ALK: variants seen among roughly 807,000 people sequenced by gnomAD.
ALK encodes the protein ALK receptor tyrosine kinase.
In ALK, 74 loss-of-function variants were observed where a neutral mutation model predicts 163.1. The ratio of observed to expected loss-of-function variants is 0.45; its 90% CI spans 0.38 to 0.55. ALK has a LOEUF of 0.55. ALK is among the 20% of genes least tolerant of loss of function. The probability of loss-of-function intolerance (pLI) is 0.00; values close to 1 mark genes in which losing one functional copy is unlikely to be tolerated. For synonymous variants in ALK, 960 were observed against 843.2 expected (o/e 1.14, Z -2.40); for missense variants, 2,063 against 2,105.3 (o/e 0.98, Z 0.39).
chr2:29,272,208 G>GAC (rs1240194838), intron 11 of ALK, among the ~76,000 whole-genome samples: 4 of 151,492 alleles, frequency 2.6e-5, no homozygotes, highest in Non-Finnish European at 5.9e-5. Flanking sequence ...GAGAGAGAGA[G>GAC]AGAAGAACCT....
At chr2:29,780,666 T>C (rs575266229) in intron 1 of ALK, among the ~76,000 whole-genome samples, 6 of 152,316 alleles carry the variant, frequency 3.9e-5, no homozygotes, top group African/African-American at 1.4e-4. Context: ...CGCCCTCCAC[T>C]GAACTTGACG....
Position 29,193,636 on chromosome 2 carries a change from T to G in ALK, c.4451A>C (p.Asn1484Thr), listed in dbSNP as rs752320442. The change falls in exon 29 of 29, where the codon AAC (asparagine) becomes ACC (threonine). Residue 1484 changes from asparagine (N) to threonine (T), a missense_variant. Asn to Thr is a moderately conservative substitution (Grantham distance 65). Coordinates refer to ENST00000389048, the MANE Select transcript of ALK (RefSeq NM_004304.5). ...GACCTTGTGCAACTCCGAAGGAGGG[T>G]TGGACTGAGAGAATGCCATATTCAC... ...GHVNMAFSQS[N>T]PPSELHKVHG... 1.2e-6 allele frequency: 2 copies of G among 1,614,076 alleles called. No homozygotes were observed. Among genetic ancestry groups the G allele is most frequent in the African/African-American group, 2.7e-5 (2 of 74,920 alleles).
chr2:29,618,341 T>C (rs1396584487), intron 3 of ALK, among the ~76,000 whole-genome samples: 1 of 152,194 alleles, frequency 6.6e-6, no homozygotes, highest in East Asian at 1.9e-4. Flanking sequence ...GAGTGTCAGA[T>C]GACTATAATA....
intron 1 of ALK, among the ~76,000 whole-genome samples, chr2:29,820,974 G>A (rs1665031265): frequency 6.6e-6 from 1 of 152,234 alleles, no homozygotes; most frequent in African/African-American, 2.4e-5. Flanking sequence ...GGGTAGAGCA[G>A]AGTGATGCTG....
intron 4 of ALK, among the ~76,000 whole-genome samples, chr2:29,439,174 C>G (rs1265145716): frequency 1.3e-5 from 2 of 152,188 alleles, no homozygotes; most frequent in African/African-American, 4.8e-5. Flanking sequence ...CTTCTCACAT[C>G]TGGAATTCAT....
chr2:29,664,105 C>G (rs1677435271), intron 3 of ALK, among the ~76,000 whole-genome samples: 1 of 152,112 alleles, frequency 6.6e-6, no homozygotes, highest in Non-Finnish European at 1.5e-5. Context: ...CTCCTACAAA[C>G]AGCTCTGCTC....
In ALK at chr2:29,423,816, G is replaced by A. The variant is rs73923623; in HGVS notation, c.1155-39957C>T. Among the ~76,000 whole-genome samples, 373 of 152,292 alleles carry A rather than the reference G, an allele frequency of 2.4e-3. 4 individuals are homozygous for A. Among genetic ancestry groups the A allele is most frequent in the African/African-American group, 7.8e-3 (324 of 41,552 alleles). ...TGGGCACATAAACACATTCTCATAT[G>A]TTTGCACTAAGAATGACAAATGAAC... On this transcript the variant is annotated intron_variant, in intron 4 of 28. Transcript: ENST00000389048.
rs1056616808 is a variant in ALK at position 29,361,540 on chromosome 2, T to G, written c.1282+22192A>C. ...TAGTGGGAAAACACTGGGCCAGCAGTGGAGAAGCTGAGCTGTGGTTCTGAC... is the reference window on the plus strand; with the variant it reads ...TAGTGGGAAAACACTGGGCCAGCAGGGGAGAAGCTGAGCTGTGGTTCTGAC... On this transcript the variant is annotated intron_variant, in intron 5 of 28. Transcript: ENST00000389048. Among the ~76,000 whole-genome samples the G allele has an allele frequency of 2.0e-5, 3 of 152,336 alleles. No individual in the cohort carries two copies. The East Asian group carries it at 5.8e-4, about 29-fold the overall frequency.
intron 1 of ALK, among the ~76,000 whole-genome samples, chr2:29,840,211 G>C (rs959864405): frequency 6.6e-6 from 1 of 152,164 alleles, no homozygotes; most frequent in African/African-American, 2.4e-5. Flanking sequence ...AGAGTATTCA[G>C]TGTGCCTTGA....
chr2:29,884,135 G>C (rs1293889069), intron 1 of ALK, among the ~76,000 whole-genome samples: 1 of 149,086 alleles, frequency 6.7e-6, no homozygotes, highest in Non-Finnish European at 1.5e-5. Flanking sequence ...TGTTACTATT[G>C]CAAGAGGTCA....
chr2:29,566,187 C>T (rs1048955463), intron 3 of ALK, among the ~76,000 whole-genome samples: 3 of 152,168 alleles, frequency 2.0e-5, no homozygotes, highest in Non-Finnish European at 2.9e-5. Flanking sequence ...TGCATGTTCG[C>T]GAGGGCCATT....
At chr2:29,217,823 T>C (rs777256512) in intron 23 of ALK, among the ~76,000 whole-genome samples, 7 of 152,174 alleles carry the variant, frequency 4.6e-5, no homozygotes, top group African/African-American at 9.7e-5. Flanking sequence ...AATTCAGGCC[T>C]CTGAAGTCCA....
chr2:29,619,795 G>C (rs953751788), intron 3 of ALK, among the ~76,000 whole-genome samples: 1 of 152,172 alleles, frequency 6.6e-6, no homozygotes, highest in African/African-American at 2.4e-5. Context: ...AAGGGTCCCT[G>C]GTCTGCTGCC....
At chr2:29,842,397 T>G (rs1572427539) in intron 1 of ALK, among the ~76,000 whole-genome samples, 1 of 152,240 alleles carries the variant, frequency 6.6e-6, no homozygotes, top group East Asian at 1.9e-4. Context: ...AATCTGAATC[T>G]GGGGGTGTTC....
chr2:29,806,987 A>C (rs1304333915), intron 1 of ALK, among the ~76,000 whole-genome samples: 1 of 152,244 alleles, frequency 6.6e-6, no homozygotes, highest in Non-Finnish European at 1.5e-5. Flanking sequence ...ACACACCATA[A>C]TTAAAGAGAT....
intron 3 of ALK, among the ~76,000 whole-genome samples, chr2:29,623,881 C>T (rs1410437451): frequency 6.6e-6 from 1 of 152,114 alleles, no homozygotes; most frequent in African/African-American, 2.4e-5. Flanking sequence ...TTTCTTCAAA[C>T]GTCTATTTGT....
chr2:29,824,566 C>A (rs1000697825), intron 1 of ALK, among the ~76,000 whole-genome samples: 5 of 152,244 alleles, frequency 3.3e-5, no homozygotes, highest in African/African-American at 1.2e-4. Flanking sequence ...GGATGTGAGA[C>A]ACGGAGTCAA....
At chr2:29,879,946 T>G (rs182230458) in intron 1 of ALK, among the ~76,000 whole-genome samples, 141 of 152,364 alleles carry the variant, frequency 9.3e-4, no homozygotes, top group African/African-American at 3.2e-3. Context: ...CACAGTCATC[T>G]GATGCTAATC....
At chr2:29,277,204 AAG>A (rs1272328141) in intron 9 of ALK, among the ~76,000 whole-genome samples, 2 of 152,176 alleles carry the variant, frequency 1.3e-5, no homozygotes, top group African/African-American at 4.8e-5. Context: ...TATGGAAAGA[AAG>A]GGCATTTGCT....
Sources: gnomAD v4.1 joint callset for allele counts (sites outside exome capture counted in the v4.1 genomes callset) on GRCh38, gnomAD v4.1.1 for gene constraint, MANE v1.5 for transcripts, NCBI Gene and HGNC (gene_info 2026-07-23, HGNC 2026-07-21) for gene names.